URB1: variants seen among roughly 807,000 people sequenced by gnomAD.
URB1 encodes the protein URB1 ribosome biogenesis factor, also known as nucleolar pre-ribosomal-associated protein 1.
Under a neutral mutation model 242.3 loss-of-function variants are expected in URB1, and 197 were observed. The ratio of observed to expected loss-of-function variants is 0.81; its 90% CI spans 0.72 to 0.91. The LOEUF (loss-of-function observed/expected upper bound fraction) is 0.91, where lower values mean the gene tolerates loss of function less well. Among genes scored for constraint, URB1 ranks in the 40% least tolerant of loss-of-function variants. The probability of loss-of-function intolerance (pLI) is 0.00; values close to 1 mark genes in which losing one functional copy is unlikely to be tolerated. For synonymous variants in URB1, 1,153 were observed against 1,201.8 expected, an observed-to-expected ratio of 0.96 and a Z score of 0.84; for missense variants, 2,721 against 2,860.5, an observed-to-expected ratio of 0.95 and a Z score of 1.11.
At chr21:32,374,934 A>G (rs953602354) in intron 6 of URB1, among the ~76,000 whole-genome samples, 2 of 152,188 alleles carry the variant, frequency 1.3e-5, no homozygotes, top group Non-Finnish European at 2.9e-5. Context: ...GGAGGGTCAT[A>G]GTTTTTCTTA....
chr21:32,354,190 ACGTGC>A, intron 17 of URB1, 87 bp from the exon 18 acceptor site: 2 of 1,478,580 alleles, frequency 1.4e-6, no homozygotes, highest in Admixed American at 2.4e-5. Context: ...GAAGCAGAAT[ACGTGC>A]AAAAAGAAAA....
intron 4 of URB1, among the ~76,000 whole-genome samples, chr21:32,379,292 T>C (rs764431422): frequency 5.3e-5 from 8 of 152,366 alleles, no homozygotes; most frequent in Middle Eastern, 3.4e-3. Context: ...CATGTGGTCA[T>C]GTCAGTCTCT....
At chr21:32,338,159 G>A (rs762706502) in intron 26 of URB1, among the ~76,000 whole-genome samples, 4 of 152,288 alleles carry the variant, frequency 2.6e-5, no homozygotes, top group Non-Finnish European at 4.4e-5. Flanking sequence ...TAAACAGAGC[G>A]TGGCGTCAGG....
Position 32,334,323 on chromosome 21 carries a change from C to T in URB1, c.4697G>A (p.Trp1566Ter). Residue 1566 changes from tryptophan to a stop codon, truncating the protein, a stop_gained, in exon 29 of 39, where the codon TGG (tryptophan) becomes TAG (stop). Transcript: ENST00000382751. LOFTEE classifies it high-confidence loss of function. The part of the protein sequence containing the change: ...LSLINFRVLL[W>*]GPAAVEHHKT... The stretch of plus-strand genomic sequence containing the variant: ...GTGATGCTCCACGGCCGCTGGGCCC[C>T]ACAGCAGCACCCTAGAGCCAGAAAA... 1 of 1,548,622 alleles carries T rather than the reference C, an allele frequency of 6.5e-7. No individual in the cohort carries two copies. The highest frequency in any genetic ancestry group is 8.7e-7 in the Non-Finnish European group (1 of 1,144,890).
At chr21:32,363,468 G>C (rs2033311847) in intron 10 of URB1, 139 bp from the exon 11 acceptor site, 1 of 1,069,804 alleles carries the variant, frequency 9.3e-7, no homozygotes, top group Non-Finnish European at 1.3e-6. Context: ...TACGCTCTGA[G>C]AAGAGGCGAC....
At chr21:32,355,107 T>C (rs1298389380) in intron 16 of URB1, 110 bp from the exon 17 acceptor site, 6 of 1,303,870 alleles carry the variant, frequency 4.6e-6, no homozygotes, top group Non-Finnish European at 6.2e-6. Flanking sequence ...TGTTCAATCC[T>C]TAATTAGAAT....
rs922039544 is a variant in URB1 at position 32,341,433 on chromosome 21, C to G, written c.4316+33G>C. Reference sequence around the variant, plus strand: ...ATGCTGAACGACATTCACACCTTTACCGAAGGGCACCAAGAAAATAAAATC... The same window carrying G: ...ATGCTGAACGACATTCACACCTTTAGCGAAGGGCACCAAGAAAATAAAATC... On this transcript the variant is annotated intron_variant, in intron 25 of 38. Transcript: ENST00000382751. 3 of 1,548,808 alleles carry G rather than the reference C, an allele frequency of 1.9e-6. No homozygotes were observed. The African/African-American group carries it at 4.1e-5, about 21-fold the overall frequency.
intron 20 of URB1, among the ~76,000 whole-genome samples, chr21:32,349,800 A>G (rs1315492698): frequency 3.9e-5 from 6 of 152,194 alleles, no homozygotes; most frequent in African/African-American, 1.4e-4. Flanking sequence ...AATACACTTA[A>G]GAGGGAGGGC....
Position 32,393,007 on chromosome 21 carries a change from G to A in URB1, c.-97C>T, listed in dbSNP as rs974219617. 3 of 1,379,090 alleles carry A rather than the reference G, an allele frequency of 2.2e-6. No individual in the cohort carries two copies. Among genetic ancestry groups the A allele is most frequent in the Admixed American group, 3.0e-5 (1 of 33,002 alleles). 85.4% of individuals were successfully genotyped at this position (1,379,090 alleles called of 1,614,324 possible). A position where few individuals can be genotyped will look rare whatever the true frequency, so the allele number is the denominator to read the frequency against. On this transcript the variant is annotated 5_prime_UTR_variant, in exon 1 of 39. Transcript: ENST00000382751. The stretch of plus-strand genomic sequence containing the variant: ...CAGACACGCGCTTCAGGCCCACATG[G>A]CGCAGGAAGAGGCGGGGCTGGCGGA...
chr21:32,324,234 G>A (rs1424282242), intron 32 of URB1, among the ~76,000 whole-genome samples: 1 of 152,162 alleles, frequency 6.6e-6, no homozygotes, highest in East Asian at 1.9e-4. Flanking sequence ...ATACTGTTCT[G>A]CACTTTGCTT....
At position 32,334,314 on chromosome 21, in the gene URB1, G is replaced by T; in HGVS notation, c.4706C>A (p.Ala1569Glu). The T allele has an allele frequency of 1.9e-6, 3 of 1,549,906 alleles. No homozygotes were observed. Among genetic ancestry groups the T allele is most frequent in the Non-Finnish European group, 2.6e-6 (3 of 1,145,832 alleles). Residue 1569 changes from alanine to glutamate, a missense_variant, in exon 29 of 39, where the codon GCG becomes GAG. Physicochemically the swap from Ala to Glu is moderately radical, Grantham distance 107 (BLOSUM62 -1). Coordinates refer to ENST00000382751, the MANE Select transcript of URB1 (RefSeq NM_014825.3). ...INFRVLLWGP[A>E]AVEHHKTCRS... ...GCACGTCTTGTGATGCTCCACGGCC[G>T]CTGGGCCCCACAGCAGCACCCTAGA...
Position 32,362,002 on chromosome 21 carries a change from G to A in URB1, c.1529C>T (p.Thr510Ile). The A allele has an allele frequency of 6.4e-7, 1 of 1,551,638 alleles. No homozygotes were observed. Among genetic ancestry groups the A allele is most frequent in the Non-Finnish European group, 8.7e-7 (1 of 1,146,938 alleles). The change falls in exon 12 of 39, where the codon ACT (threonine) becomes ATT (isoleucine). Residue 510 changes from threonine to isoleucine, a missense_variant. By Grantham distance (89) the Thr-to-Ile change is moderately conservative (BLOSUM62 -1). Coordinates refer to ENST00000382751, the MANE Select transcript of URB1 (RefSeq NM_014825.3). ...AAGTGACTGCCAGACCCACACGACA[G>A]TGTTCAGGTCTGGCAAAATCTAAAT... ...ALSKILPDLN[T>I]VVWVWQSLKK...
At chr21:32,373,485 T>C (rs974664193) in intron 7 of URB1, among the ~76,000 whole-genome samples, 162 bp downstream of exon 7, 1 of 152,132 alleles carries the variant, frequency 6.6e-6, no homozygotes, top group East Asian at 1.9e-4. Flanking sequence ...AAAATCCTAT[T>C]GCAGTTAGCA....
intron 25 of URB1, among the ~76,000 whole-genome samples, chr21:32,340,238 C>T (rs566594687): frequency 2.6e-5 from 4 of 152,252 alleles, no homozygotes; most frequent in African/African-American, 9.6e-5. Flanking sequence ...CTGATTGCCC[C>T]AAACTGAAGA....
intron 28 of URB1, among the ~76,000 whole-genome samples, chr21:32,336,104 C>A (rs2032955855): frequency 6.6e-6 from 1 of 152,154 alleles, no homozygotes; most frequent in African/African-American, 2.4e-5. Context: ...ACTGACATAG[C>A]ACCAGCTCCG....
rs2033173951 is a variant in URB1 at position 32,352,856 on chromosome 21, T to C, written c.2467A>G (p.Thr823Ala). ...LTAVLTDLLH[T>A]QRDPLALCLL... is the part of the protein sequence containing the mutation. Reference sequence around the variant, plus strand: ...CACAGAGCCAGGGGGTCCCTCTGGGTGTGGAGGAGGTCAGTCAGCACTGCC... The same window carrying C: ...CACAGAGCCAGGGGGTCCCTCTGGGCGTGGAGGAGGTCAGTCAGCACTGCC... The change falls in exon 19 of 39, where the codon ACC becomes GCC. Residue 823 changes from threonine to alanine, a missense_variant. Thr to Ala is a moderately conservative substitution (Grantham distance 58). Transcript: ENST00000382751. The C allele has an allele frequency of 1.9e-6, 3 of 1,551,426 alleles. No homozygotes were observed. Among genetic ancestry groups the C allele is most frequent in the Non-Finnish European group, 2.6e-6 (3 of 1,146,960 alleles).
chr21:32,322,065 A>G (rs2032773952), intron 33 of URB1, 121 bp from the exon 34 acceptor site: 1 of 1,114,278 alleles, frequency 9.0e-7, no homozygotes, highest in Non-Finnish European at 1.3e-6. Flanking sequence ...CCTGACCTCC[A>G]TGTCTGATTA....
chr21:32,344,197 T>G (rs954251129), intron 24 of URB1, among the ~76,000 whole-genome samples: 1 of 152,072 alleles, frequency 6.6e-6, no homozygotes, highest in Non-Finnish European at 1.5e-5. Context: ...AAACAATATA[T>G]AAAAATAACA....
Position 32,363,255 on chromosome 21 carries a change from AAC to A in URB1, c.1408_1409del (p.Val470Ter). ...ACACCTCTTTATTCAGGCAGTGGTCAACAGTTTTTAATGCCCTCTTCAAAATG... is the reference window on the plus strand; with the variant it reads ...ACACCTCTTTATTCAGGCAGTGGTCAAGTTTTTAATGCCCTCTTCAAAATG... Reference protein sequence around the residue: ...SVILKRALKTVDHCLNKEVWQ... With the variant: ...SVILKRALKTXDHCLNKEVWQ... On this transcript the variant is annotated frameshift_variant, in exon 11 of 39. Coordinates refer to ENST00000382751, the MANE Select transcript of URB1 (RefSeq NM_014825.3). LOFTEE classifies it high-confidence loss of function. 1 of 1,551,974 alleles carries A rather than the reference AAC, an allele frequency of 6.4e-7. No individual in the cohort carries two copies. The highest frequency in any genetic ancestry group is 8.7e-7 in the Non-Finnish European group (1 of 1,147,062).
Sources: gnomAD v4.1 joint callset for allele counts (sites outside exome capture counted in the v4.1 genomes callset) on GRCh38, gnomAD v4.1.1 for gene constraint, MANE v1.5 for transcripts, NCBI Gene and HGNC (gene_info 2026-07-23, HGNC 2026-07-21) for gene names.